The following ATP6V1H variants were observed in gnomAD, a reference collection of about 807,000 sequenced individuals.
ATP6V1H encodes the protein V-type proton ATPase subunit H.
ATP6V1H carries 39 observed loss-of-function variants against 71.7 expected under a neutral mutation model. That is an observed-to-expected ratio of 0.54 (90% CI 0.42 to 0.71). ATP6V1H has a LOEUF of 0.71. ATP6V1H is among the 30% of genes least tolerant of loss of function. The pLI is 0.00. For missense variants in ATP6V1H, 509 were observed against 594.9 expected (o/e 0.86, Z 1.50); for synonymous variants, 192 against 199.3 (o/e 0.96, Z 0.31).
Position 53,766,687 on chromosome 8 carries a change from A to G in ATP6V1H, c.1175+2931T>C, listed in dbSNP as rs186160640. On this transcript the variant is annotated intron_variant, in intron 11 of 13. Coordinates refer to ENST00000359530, the MANE Select transcript of ATP6V1H (RefSeq NM_015941.4). Reference sequence around the variant, plus strand: ...CTCTGAACTGGCCCCCCCAGGGTGTACCTGTCTCTTATGGTTGAGACTGCA... The same window carrying G: ...CTCTGAACTGGCCCCCCCAGGGTGTGCCTGTCTCTTATGGTTGAGACTGCA... 2.2e-3 allele frequency among the ~76,000 whole-genome samples: 335 copies of G among 152,270 alleles called. 2 individuals are homozygous for G. Among genetic ancestry groups the G allele is most frequent in the African/African-American group, 7.8e-3 (324 of 41,552 alleles).
chr8:53,749,783 G>T (rs887229496), intron 12 of ATP6V1H, among the ~76,000 whole-genome samples: 1 of 151,330 alleles, frequency 6.6e-6, no homozygotes, highest in African/African-American at 2.4e-5. Context: ...AGCCATGTAA[G>T]AGAGTCTGAT....
intron 10 of ATP6V1H, 112 bp downstream of exon 10, chr8:53,771,876 TG>T: frequency 2.2e-6 from 2 of 902,536 alleles, no homozygotes; most frequent in Non-Finnish European, 3.4e-6. Context: ...CGTATTTTAG[TG>T]GACTCTCTTG....
At chr8:53,743,410 A>G (rs941930743) in intron 13 of ATP6V1H, among the ~76,000 whole-genome samples, 167 bp downstream of exon 13, 2 of 152,218 alleles carry the variant, frequency 1.3e-5, no homozygotes, top group African/African-American at 4.8e-5. Context: ...CGTCTTTATA[A>G]AACTAATGTG....
intron 13 of ATP6V1H, among the ~76,000 whole-genome samples, chr8:53,737,136 G>A (rs1563442379): frequency 1.3e-5 from 2 of 152,178 alleles, no homozygotes; most frequent in Admixed American, 1.3e-4. Context: ...TGGTTTTCGG[G>A]ACACAAGTCT....
rs188620411 is a variant in ATP6V1H at position 53,765,263 on chromosome 8, G to A, written c.1175+4355C>T. ...CTAAAAATACAAAAATGAGCTGGGC[G>A]TGGTGGTGCGCGCCTGTAATCCCAG... is the stretch of plus-strand genomic sequence containing the variant. On this transcript the variant is annotated intron_variant, in intron 11 of 13. Coordinates refer to ENST00000359530, the MANE Select transcript of ATP6V1H (RefSeq NM_015941.4). Among the ~76,000 whole-genome samples the A allele has an allele frequency of 2.5e-3, 374 of 151,896 alleles. 2 individuals carry two copies. Among genetic ancestry groups the A allele is most frequent in the African/African-American group, 8.5e-3 (352 of 41,414 alleles).
intron 8 of ATP6V1H, among the ~76,000 whole-genome samples, chr8:53,797,099 T>A (rs999685032): frequency 6.6e-6 from 1 of 152,226 alleles, no homozygotes; most frequent in Non-Finnish European, 1.5e-5. Context: ...AACACCCTAG[T>A]CCCTGGTTTC....
intron 2 of ATP6V1H, among the ~76,000 whole-genome samples, chr8:53,835,932 C>T (rs1192017129): frequency 6.6e-6 from 1 of 152,136 alleles, no homozygotes; most frequent in Non-Finnish European, 1.5e-5. Context: ...GGCATTATTT[C>T]CCCCGGTCCC....
intron 9 of ATP6V1H, among the ~76,000 whole-genome samples, chr8:53,774,067 T>C (rs1393649120): frequency 1.3e-5 from 2 of 152,192 alleles, no homozygotes; most frequent in Non-Finnish European, 2.9e-5. Context: ...GCAATTGGAA[T>C]ACCAAAAGGA....
intron 9 of ATP6V1H, among the ~76,000 whole-genome samples, chr8:53,793,103 C>A (rs1809620972): frequency 6.6e-6 from 1 of 152,070 alleles, no homozygotes; most frequent in Non-Finnish European, 1.5e-5. Flanking sequence ...TGGAAGGTGA[C>A]AACTGCTATG....
At position 53,817,402 on chromosome 8, in the gene ATP6V1H, CA is replaced by C. The variant is rs776860528; in HGVS notation, c.420+14del. 1.9e-6 allele frequency: 3 copies of C among 1,553,900 alleles called. No individual in the cohort carries two copies. Among genetic ancestry groups the C allele is most frequent in the African/African-American group, 2.7e-5 (2 of 72,826 alleles). ...AAAAATTTTAAAAAAAGAATCCAATCAATTCAAAATTTACCATATGAACAGT... is the reference window on the plus strand; with the variant it reads ...AAAAATTTTAAAAAAAGAATCCAATCATTCAAAATTTACCATATGAACAGT... On this transcript the variant is annotated intron_variant, in intron 5 of 13. Transcript: ENST00000359530.
rs576899139 is a variant in ATP6V1H at position 53,716,331 on chromosome 8, G to C, written c.1392-307C>G. 3.9e-5 allele frequency among the ~76,000 whole-genome samples: 6 copies of C among 152,210 alleles called. No individual in the cohort carries two copies. The East Asian group carries it at 1.2e-3, about 29-fold the overall frequency. ...TACAAGGAAATGTAATTACTTCCTG[G>C]GGAAAGACTACTTTCCTGTTCAGAT... is the stretch of plus-strand genomic sequence containing the variant. On this transcript the variant is annotated intron_variant, in intron 13 of 13. Coordinates refer to ENST00000359530, the MANE Select transcript of ATP6V1H (RefSeq NM_015941.4).
At chr8:53,754,372 C>G (rs992469023) in intron 12 of ATP6V1H, among the ~76,000 whole-genome samples, 1 of 152,166 alleles carries the variant, frequency 6.6e-6, no homozygotes, top group Non-Finnish European at 1.5e-5. Context: ...AGGCTGGAAC[C>G]AAGTCCACTT....
At chr8:53,832,574 A>C (rs1563314938) in intron 3 of ATP6V1H, 1 of 152,582 alleles carries the variant, frequency 6.6e-6, no homozygotes, top group Admixed American at 6.5e-5. Context: ...AAAAATTTCA[A>C]AGGACATATA....
In ATP6V1H at chr8:53,801,903, A is replaced by G. The variant is rs771824192; in HGVS notation, c.580-7T>C. On this transcript the variant is annotated splice_polypyrimidine_tract_variant and splice_region_variant and intron_variant, in intron 7 of 13. Transcript: ENST00000359530. ...ACTGCACATACTGCGAACTCTGCAC[A>G]AGAAGAAGTGTTGAGTTTTTAAATG... 3 of 1,610,978 alleles carry G rather than the reference A, an allele frequency of 1.9e-6. No homozygotes were observed. The highest frequency in any genetic ancestry group is 2.5e-6 in the Non-Finnish European group (3 of 1,178,626).
In ATP6V1H at chr8:53,753,545, G is replaced by GCAGCA. The variant is rs374387948; in HGVS notation, c.1277+3009_1277+3010insTGCTG. ...AGAAACATTTGAAACACCAGCTGAG[G>GCAGCA]CAGTGCTGTGAGAAGATGAATTCTT... On this transcript the variant is annotated intron_variant, in intron 12 of 13. Transcript: ENST00000359530. 2.8e-4 allele frequency among the ~76,000 whole-genome samples: 43 copies of GCAGCA among 152,342 alleles called. 2 individuals carry two copies. Among genetic ancestry groups the GCAGCA allele is most frequent in the African/African-American group, 9.1e-4 (38 of 41,576 alleles).
chr8:53,745,192 C>T (rs552275855), intron 12 of ATP6V1H, among the ~76,000 whole-genome samples: 1 of 151,994 alleles, frequency 6.6e-6, no homozygotes, highest in Admixed American at 6.5e-5. Flanking sequence ...CCCAGGAGTT[C>T]GAGACTAGCC....
At chr8:53,766,389 C>T (rs1808466206) in intron 11 of ATP6V1H, among the ~76,000 whole-genome samples, 2 of 152,144 alleles carry the variant, frequency 1.3e-5, no homozygotes, top group South Asian at 4.1e-4. Flanking sequence ...GGATGTATAT[C>T]GTCTCAGGAC....
intron 8 of ATP6V1H, among the ~76,000 whole-genome samples, chr8:53,800,305 T>C (rs1563472476): frequency 6.6e-6 from 1 of 152,220 alleles, no homozygotes; most frequent in Non-Finnish European, 1.5e-5. Flanking sequence ...AACTATATGC[T>C]ATGTCTGTGA....
intron 11 of ATP6V1H, among the ~76,000 whole-genome samples, chr8:53,761,294 G>T (rs935522654): frequency 1.3e-5 from 2 of 150,424 alleles, no homozygotes; most frequent in Non-Finnish European, 3.0e-5. Flanking sequence ...CCGAGATCGC[G>T]CCACTGCACT....
Sources: gnomAD v4.1 joint callset for allele counts (sites outside exome capture counted in the v4.1 genomes callset) on GRCh38, gnomAD v4.1.1 for gene constraint, MANE v1.5 for transcripts, NCBI Gene and HGNC (gene_info 2026-07-23, HGNC 2026-07-21) for gene names.